The following FHAD1 variants were observed in gnomAD, a reference collection of about 807,000 sequenced individuals.
FHAD1 encodes forkhead associated phosphopeptide binding domain 1.
In FHAD1, 146 loss-of-function variants were observed where a neutral mutation model predicts 191.3. The ratio of observed to expected loss-of-function variants is 0.76; its 90% CI spans 0.67 to 0.88. The LOEUF (loss-of-function observed/expected upper bound fraction) is 0.88. FHAD1 is among the 40% of genes least tolerant of loss of function. The pLI, the probability that FHAD1 is intolerant of heterozygous loss-of-function variation, is 0.00. For synonymous variants in FHAD1, 616 were observed against 672.3 expected (o/e 0.92, Z 1.29); for missense variants, 1,635 against 1,785.8 (o/e 0.92, Z 1.52).
In FHAD1 at chr1:15,362,639, C is replaced by T. The variant is rs1178252745; in HGVS notation, c.2963-3C>T. The T allele has an allele frequency of 7.1e-5, 110 of 1,550,932 alleles. No homozygotes were observed. The highest frequency in any genetic ancestry group is 9.5e-5 in the Non-Finnish European group (109 of 1,146,306). On this transcript the variant is annotated splice_region_variant and splice_polypyrimidine_tract_variant and intron_variant, in intron 22 of 33. Transcript: ENST00000688493. ...ACAATGATCACATGTCCCTCTGATA[C>T]AGCCCCAAAGGAGGAAAGGCCGCAA... is the stretch of plus-strand genomic sequence containing the variant.
intron 6 of FHAD1, among the ~76,000 whole-genome samples, chr1:15,302,930 A>G (rs1369344736): frequency 6.6e-6 from 1 of 152,200 alleles, no homozygotes; most frequent in Non-Finnish European, 1.5e-5. Flanking sequence ...AGCCTAGGTT[A>G]GACATGGTGA....
chr1:15,350,100 C>T (rs1173232344), intron 19 of FHAD1, among the ~76,000 whole-genome samples: 2 of 152,242 alleles, frequency 1.3e-5, no homozygotes, highest in African/African-American at 2.4e-5. Flanking sequence ...CGGTTCGATT[C>T]GGTTTCATTC....
chr1:15,297,152 T>C (rs1421601555), intron 5 of FHAD1, among the ~76,000 whole-genome samples: 1 of 151,998 alleles, frequency 6.6e-6, no homozygotes, highest in African/African-American at 2.4e-5. Context: ...AGGGGCAGAA[T>C]TGAGATTCAC....
rs1340844480 is a variant in FHAD1 at position 15,294,202 on chromosome 1, GA to G, written c.569-2480del. On this transcript the variant is annotated intron_variant, in intron 4 of 33. Coordinates refer to ENST00000688493, the MANE Select transcript of FHAD1 (RefSeq NM_001391957.1). ...AGCACCGAGTTTTGAGGAATCTGAG[GA>G]AGCCCTTTCCTCTCTTAACAAGGCT... Among the ~76,000 whole-genome samples the G allele has an allele frequency of 9.9e-4, 151 of 152,332 alleles. 4 individuals carry two copies. The highest frequency in any genetic ancestry group is 4.4e-5 in the Non-Finnish European group (3 of 68,036).
downstream of FHAD1, among the ~76,000 whole-genome samples, chr1:15,402,311 C>T (rs528368161): frequency 1.3e-3 from 198 of 152,302 alleles, no homozygotes; most frequent in African/African-American, 4.6e-3. Flanking sequence ...GGGTATGTTG[C>T]ATAGGAGCAC....
In FHAD1 at chr1:15,345,539, T is replaced by C; in HGVS notation, c.2346+16T>C. 1 of 1,547,020 alleles carries C rather than the reference T, an allele frequency of 6.5e-7. No homozygotes were observed. Among genetic ancestry groups the C allele is most frequent in the Non-Finnish European group, 8.8e-7 (1 of 1,142,820 alleles). On this transcript the variant is annotated intron_variant, in intron 18 of 33. Transcript: ENST00000688493. Reference sequence around the variant, plus strand: ...CCAGAAGGAGGTACGCTCGGGGAGATAGAGTCGGCTGAGCCCCAGTCGGCT... The same window carrying C: ...CCAGAAGGAGGTACGCTCGGGGAGACAGAGTCGGCTGAGCCCCAGTCGGCT...
intron 19 of FHAD1, among the ~76,000 whole-genome samples, chr1:15,351,708 A>G (rs1048669812): frequency 2.6e-5 from 4 of 151,982 alleles, no homozygotes; most frequent in African/African-American, 9.7e-5. Context: ...GGCATGCAGA[A>G]GAGTGTGGGT....
At chr1:15,365,473 C>T (rs1398202163) in intron 23 of FHAD1, among the ~76,000 whole-genome samples, 1 of 111,340 alleles carries the variant, frequency 9.0e-6, no homozygotes, top group Non-Finnish European at 1.8e-5. Flanking sequence ...CACCACTATG[C>T]CTGGCTAATT....
At chr1:15,283,772 G>A (rs962555976) in intron 3 of FHAD1, among the ~76,000 whole-genome samples, 2 of 152,148 alleles carry the variant, frequency 1.3e-5, no homozygotes, top group Admixed American at 6.5e-5. Context: ...AACCTATAAC[G>A]TTCCTGGAAA....
At chr1:15,292,838 C>G (rs1282170324) in intron 4 of FHAD1, among the ~76,000 whole-genome samples, 1 of 152,076 alleles carries the variant, frequency 6.6e-6, no homozygotes, top group African/African-American at 2.4e-5. Flanking sequence ...CCCTGTAATC[C>G]CAGCAGTTTG....
intron 2 of FHAD1, among the ~76,000 whole-genome samples, chr1:15,254,354 C>T (rs1313007010): frequency 1.3e-5 from 2 of 152,174 alleles, no homozygotes; most frequent in Admixed American, 1.3e-4. Context: ...TCATACTGAG[C>T]TCATTTTCTC....
At chr1:15,372,610 T>C (rs1171394953) in intron 26 of FHAD1, among the ~76,000 whole-genome samples, 1 of 152,218 alleles carries the variant, frequency 6.6e-6, no homozygotes, top group Non-Finnish European at 1.5e-5. Context: ...ATTCAATAGA[T>C]AGATGGATAG....
intron 23 of FHAD1, among the ~76,000 whole-genome samples, chr1:15,363,123 G>A (rs1344486558): frequency 6.6e-6 from 1 of 152,214 alleles, no homozygotes; most frequent in Non-Finnish European, 1.5e-5. Flanking sequence ...GAAGTCCCAG[G>A]TTGAGGGGTT....
chr1:15,354,168 T>A (rs1440339675), intron 20 of FHAD1, among the ~76,000 whole-genome samples: 1 of 152,208 alleles, frequency 6.6e-6, no homozygotes, highest in East Asian at 1.9e-4. Context: ...AACATTAGCA[T>A]GCATTTGAAT....
chr1:15,288,324 C>A (rs1347248967), intron 3 of FHAD1, among the ~76,000 whole-genome samples: 2 of 152,258 alleles, frequency 1.3e-5, no homozygotes, highest in Non-Finnish European at 2.9e-5. Flanking sequence ...TAATCCACGG[C>A]AAAAGCCAGG....
intron 3 of FHAD1, among the ~76,000 whole-genome samples, chr1:15,278,270 T>A (rs1416985713): frequency 6.6e-6 from 1 of 152,122 alleles, no homozygotes; most frequent in Non-Finnish European, 1.5e-5. Flanking sequence ...TTTACCAACC[T>A]CCACTCATAA....
At chr1:15,298,361 A>G (rs1667598697) in intron 5 of FHAD1, among the ~76,000 whole-genome samples, 1 of 152,212 alleles carries the variant, frequency 6.6e-6, no homozygotes, top group Non-Finnish European at 1.5e-5. Context: ...GATGCAGTAG[A>G]CTTTGGGGAT....
At chr1:15,359,159 G>A (rs569475782) in intron 21 of FHAD1, among the ~76,000 whole-genome samples, 6 of 152,232 alleles carry the variant, frequency 3.9e-5, no homozygotes, top group Admixed American at 2.0e-4. Context: ...CTCTTGGAGC[G>A]ACCCTCTTTT....
At chr1:15,400,895 C>G (rs189571284), downstream of FHAD1, among the ~76,000 whole-genome samples, 4 of 152,308 alleles carry the variant, frequency 2.6e-5, no homozygotes, top group East Asian at 7.7e-4. Flanking sequence ...TGTTAATATC[C>G]CATCAGATAA....
Sources: gnomAD v4.1 joint callset for allele counts (sites outside exome capture counted in the v4.1 genomes callset) on GRCh38, gnomAD v4.1.1 for gene constraint, MANE v1.5 for transcripts, NCBI Gene and HGNC (gene_info 2026-07-23, HGNC 2026-07-21) for gene names.